EDA: variants seen among roughly 807,000 people sequenced by gnomAD.
EDA encodes ectodysplasin A, also known as ectodysplasin-A.
EDA carries 2 observed loss-of-function variants against 23.6 expected under a neutral mutation model. That is an observed-to-expected ratio of 0.08 (90% CI 0.03 to 0.27). EDA has a LOEUF of 0.27. Ranked by LOEUF, EDA falls within the 10% of genes least tolerant of loss-of-function variation. The probability of loss-of-function intolerance (pLI) is 1.00; values close to 1 mark genes in which losing one functional copy is unlikely to be tolerated. For missense variants in EDA, 229 were observed against 324.2 expected (o/e 0.71, Z 2.26); for synonymous variants, 131 against 132.0 (o/e 0.99, Z 0.05).
intron 1 of EDA, among the ~76,000 whole-genome samples, chrX:69,682,932 G>T (rs1934424301): frequency 9.0e-6 from 1 of 111,406 alleles, no homozygotes; most frequent in Non-Finnish European, 1.9e-5. Flanking sequence ...CGTTATAGAT[G>T]ATGCTTATTT....
chrX:69,784,938 T>G (rs1186532829), intron 1 of EDA, among the ~76,000 whole-genome samples: 4 of 111,362 alleles, frequency 3.6e-5, no homozygotes, highest in Non-Finnish European at 7.5e-5. Context: ...GGAATGTTCT[T>G]CCATTTCTTT....
chrX:69,965,559 G>A (rs1466418077), intron 2 of EDA, among the ~76,000 whole-genome samples: 1 of 111,713 alleles, frequency 9.0e-6, no homozygotes, highest in Non-Finnish European at 1.9e-5. Flanking sequence ...ATTCTTTGCT[G>A]TACTATTTAT....
intron 1 of EDA, among the ~76,000 whole-genome samples, chrX:69,786,674 GT>G (rs1303578767): frequency 9.2e-6 from 1 of 108,611 alleles, no homozygotes; most frequent in Non-Finnish European, 1.9e-5. Context: ...TATAATTTCT[GT>G]TCTTTTACAT....
chrX:69,644,474 T>C (rs1334905339), intron 1 of EDA, among the ~76,000 whole-genome samples: 1 of 111,802 alleles, frequency 8.9e-6, no homozygotes, highest in African/African-American at 3.2e-5. Flanking sequence ...GAGACTTTGC[T>C]GAAGTTGTTT....
chrX:70,021,487 C>T (rs2020033095), intron 2 of EDA, among the ~76,000 whole-genome samples: 1 of 111,426 alleles, frequency 9.0e-6, no homozygotes, highest in Non-Finnish European at 1.9e-5. Flanking sequence ...CTTTCTTGTT[C>T]AAGAAAAAGG....
chrX:69,704,617 A>G (rs2520371), intron 1 of EDA, among the ~76,000 whole-genome samples: 35,167 of 107,370 alleles, frequency 0.33, 5,216 homozygotes, highest in Middle Eastern at 0.55. Context: ...GGGTGGGAGG[A>G]TCCATCAGTG....
At chrX:69,762,278 T>A (rs1006661342) in intron 1 of EDA, among the ~76,000 whole-genome samples, 2 of 111,867 alleles carry the variant, frequency 1.8e-5, no homozygotes, top group Non-Finnish European at 3.8e-5. Flanking sequence ...GGTGACCACT[T>A]CTCTCAGTCC....
At chrX:69,892,752 A>C (rs998141196) in intron 1 of EDA, among the ~76,000 whole-genome samples, 8 of 111,763 alleles carry the variant, frequency 7.2e-5, no homozygotes, top group Non-Finnish European at 1.3e-4. Context: ...CTGGGCCTGC[A>C]TTCTCACATG....
intron 1 of EDA, among the ~76,000 whole-genome samples, chrX:69,756,492 A>G (rs2804382): frequency 0.31 from 33,765 of 110,507 alleles, 4,887 homozygotes; most frequent in Middle Eastern, 0.55. Context: ...GGCCCTTTTT[A>G]GAGTTATAGG....
rs1302733612 is a variant in EDA, at chrX:70,036,794, G to C, written c.*1185G>C. The C allele has an allele frequency of 2.7e-5, 3 of 112,744 alleles. No individual in the cohort carries two copies. Among genetic ancestry groups the C allele is most frequent in the African/African-American group, 9.7e-5 (3 of 31,050 alleles). 9.3% of individuals were successfully genotyped at this position (112,744 alleles called of 1,213,427 possible). On this transcript the variant is annotated 3_prime_UTR_variant, in exon 8 of 8. Transcript: ENST00000374552. The stretch of plus-strand genomic sequence containing the variant: ...GGACAGAGGGATTTTGTTCAAGTTT[G>C]CTGCAACCCAAGTGGACGTTAGGCC...
At chrX:70,024,625 G>A (rs2020083629) in intron 3 of EDA, among the ~76,000 whole-genome samples, 1 of 112,429 alleles carries the variant, frequency 8.9e-6, no homozygotes, top group Admixed American at 9.4e-5. Context: ...ATTTACTTTG[G>A]CTGAAAGTTA....
In EDA at chrX:69,969,482, G is replaced by A. The variant is rs150868638; in HGVS notation, c.502+12350G>A. 1.3e-3 allele frequency among the ~76,000 whole-genome samples: 143 copies of A among 111,671 alleles called. 1 individual carries two copies. In the East Asian group the frequency reaches 0.038, roughly 30 times the overall value. On this transcript the variant is annotated intron_variant, in intron 2 of 7. Coordinates refer to ENST00000374552, the MANE Select transcript of EDA (RefSeq NM_001399.5). ...ATGATCAGATTATAAAGTATGAATT[G>A]TATACTTCCAAAAGTGGAATTTTAT...
chrX:69,668,447 A>G (rs753129790), intron 1 of EDA, among the ~76,000 whole-genome samples: 1 of 112,121 alleles, frequency 8.9e-6, no homozygotes, highest in South Asian at 3.7e-4. Context: ...TTGGATGGAA[A>G]GGTTTTTTTA....
chrX:69,726,884 G>A (rs984265365), intron 1 of EDA, among the ~76,000 whole-genome samples: 2 of 112,314 alleles, frequency 1.8e-5, no homozygotes, highest in Admixed American at 1.9e-4. Context: ...ATCCACGGGT[G>A]TGTTACAATT....
intron 1 of EDA, among the ~76,000 whole-genome samples, chrX:69,707,075 T>C (rs1167872926): frequency 8.9e-6 from 1 of 111,922 alleles, no homozygotes; most frequent in Non-Finnish European, 1.9e-5. Flanking sequence ...ATTTTCTCTC[T>C]CCAAAGATCA....
At chrX:69,971,884 T>C (rs1211345210) in intron 2 of EDA, among the ~76,000 whole-genome samples, 2 of 110,968 alleles carry the variant, frequency 1.8e-5, no homozygotes, top group African/African-American at 6.5e-5. Context: ...AGCATACCCT[T>C]CTTTCAAAAA....
At chrX:69,832,702 T>G (rs1415643863) in intron 1 of EDA, among the ~76,000 whole-genome samples, 3 of 111,700 alleles carry the variant, frequency 2.7e-5, no homozygotes, top group African/African-American at 6.5e-5. Flanking sequence ...GTCTGTGTCC[T>G]CTTTTATTTC....
At chrX:69,792,998 T>C (rs766088258) in intron 1 of EDA, among the ~76,000 whole-genome samples, 1 of 112,352 alleles carries the variant, frequency 8.9e-6, no homozygotes, top group Non-Finnish European at 1.9e-5. Context: ...AGTTTTGTTT[T>C]TGTTGCATTT....
chrX:69,676,747 A>G (rs1934101195), intron 1 of EDA, among the ~76,000 whole-genome samples: 1 of 111,284 alleles, frequency 9.0e-6, no homozygotes, highest in African/African-American at 3.3e-5. Context: ...TTAATTCAGT[A>G]GGTGGACTCC....
Sources: gnomAD v4.1 joint callset for allele counts (sites outside exome capture counted in the v4.1 genomes callset) on GRCh38, gnomAD v4.1.1 for gene constraint, MANE v1.5 for transcripts, NCBI Gene and HGNC (gene_info 2026-07-23, HGNC 2026-07-21) for gene names.